ZBTB7C: variants seen among roughly 807,000 people sequenced by gnomAD.
ZBTB7C encodes zinc finger and BTB domain containing 7C.
In ZBTB7C, 8 loss-of-function variants were observed where a neutral mutation model predicts 25.7. The ratio of observed to expected loss-of-function variants is 0.31; its 90% CI spans 0.18 to 0.56. The LOEUF (loss-of-function observed/expected upper bound fraction) is 0.56. Among genes scored for constraint, ZBTB7C ranks in the 20% least tolerant of loss-of-function variants. The pLI is 0.91. For synonymous variants in ZBTB7C, 394 were observed against 369.0 expected (o/e 1.07, Z -0.78); for missense variants, 824 against 855.2 (o/e 0.96, Z 0.46).
At chr18:48,271,268 G>A (rs535588450) in intron 2 of ZBTB7C, among the ~76,000 whole-genome samples, 6 of 152,078 alleles carry the variant, frequency 3.9e-5, no homozygotes, top group Middle Eastern at 3.4e-3. Context: ...CCTTAATAAC[G>A]TCACACAGAG....
chr18:48,046,859 G>A (rs2036490457), intron 3 of ZBTB7C, among the ~76,000 whole-genome samples: 1 of 152,184 alleles, frequency 6.6e-6, no homozygotes, highest in South Asian at 2.1e-4. Flanking sequence ...CGAGAAATCT[G>A]ATAACATCAT....
chr18:48,207,861 T>TGGTTACAAGTCA (rs1568303119), intron 2 of ZBTB7C, among the ~76,000 whole-genome samples: 1 of 152,094 alleles, frequency 6.6e-6, no homozygotes, highest in Non-Finnish European at 1.5e-5. Context: ...GTCAGGATAG[T>TGGTTACAAGTCA]GGTTACCTTT....
chr18:48,108,783 C>A (rs4940257), intron 3 of ZBTB7C, among the ~76,000 whole-genome samples: 82,340 of 151,684 alleles, frequency 0.54, 23,722 homozygotes, highest in African/African-American at 0.75. Flanking sequence ...CTGTGTGGGA[C>A]GGGCCTTCTG....
intron 1 of ZBTB7C, among the ~76,000 whole-genome samples, chr18:48,349,099 A>G (rs1222795256): frequency 1.3e-5 from 2 of 152,196 alleles, no homozygotes; most frequent in Non-Finnish European, 2.9e-5. Context: ...ATGCAGCCCT[A>G]GGCATGGTGC....
At chr18:48,395,898 A>G (rs537490795) in intron 1 of ZBTB7C, among the ~76,000 whole-genome samples, 1 of 152,300 alleles carries the variant, frequency 6.6e-6, no homozygotes, top group African/African-American at 2.4e-5. Context: ...AAAGAAAAGA[A>G]AAAAGCTTTT....
chr18:48,298,655 C>G (rs1341848804), intron 2 of ZBTB7C, among the ~76,000 whole-genome samples: 1 of 152,210 alleles, frequency 6.6e-6, no homozygotes, highest in African/African-American at 2.4e-5. Flanking sequence ...GCAACTGAGA[C>G]AGGAGCCCAG....
At chr18:48,131,106 A>G (rs1239184072) in intron 3 of ZBTB7C, among the ~76,000 whole-genome samples, 1 of 152,118 alleles carries the variant, frequency 6.6e-6, no homozygotes, top group Non-Finnish European at 1.5e-5. Flanking sequence ...GTTTCACCAT[A>G]TTGGTCAGGC....
intron 2 of ZBTB7C, among the ~76,000 whole-genome samples, chr18:48,256,885 GGA>G (rs2044036640): frequency 6.6e-6 from 1 of 151,814 alleles, no homozygotes; most frequent in African/African-American, 2.4e-5. Flanking sequence ...AGTTAACAAA[GGA>G]GATAAAAGGG....
chr18:48,163,503 G>A (rs2041141187), intron 3 of ZBTB7C, among the ~76,000 whole-genome samples: 1 of 152,180 alleles, frequency 6.6e-6, no homozygotes, highest in Non-Finnish European at 1.5e-5. Context: ...GAAATGGAGT[G>A]GGGCTTAACA....
chr18:48,316,169 A>T (rs989380172), intron 2 of ZBTB7C, among the ~76,000 whole-genome samples: 1 of 152,216 alleles, frequency 6.6e-6, no homozygotes, highest in African/African-American at 2.4e-5. Flanking sequence ...GACAAAATAG[A>T]ATTGGAATTT....
chr18:48,399,597 A>G (rs1387461582), intron 1 of ZBTB7C, among the ~76,000 whole-genome samples: 1 of 152,134 alleles, frequency 6.6e-6, no homozygotes, highest in African/African-American at 2.4e-5. Context: ...GGGACCTGAG[A>G]GCAGGACAGC....
At chr18:48,067,715 C>T (rs1027257832) in intron 3 of ZBTB7C, among the ~76,000 whole-genome samples, 8 of 152,164 alleles carry the variant, frequency 5.3e-5, no homozygotes, top group Non-Finnish European at 8.8e-5. Flanking sequence ...ATAAATCTCT[C>T]TCTCAGTTGG....
At chr18:48,041,374 C>A in intron 3 of ZBTB7C, 3 of 985,446 alleles carry the variant, frequency 3.0e-6, no homozygotes. Context: ...CAGCTACTCA[C>A]CAAAGGCTGC....
At chr18:48,051,944 GTTTTC>G (rs1376605193) in intron 3 of ZBTB7C, among the ~76,000 whole-genome samples, 1 of 152,128 alleles carries the variant, frequency 6.6e-6, no homozygotes, top group Non-Finnish European at 1.5e-5. Flanking sequence ...GGGGAGACTT[GTTTTC>G]TTTTAAGAAA....
intron 2 of ZBTB7C, among the ~76,000 whole-genome samples, chr18:48,254,654 C>T (rs2043972679): frequency 6.6e-6 from 1 of 152,170 alleles, no homozygotes; most frequent in Non-Finnish European, 1.5e-5. Flanking sequence ...GTATTTACCC[C>T]AGACAACAAT....
intron 1 of ZBTB7C, among the ~76,000 whole-genome samples, chr18:48,383,869 G>GAGGCTGGAAGGGAGCTCTGGAAGCC (rs2047687614): frequency 2.0e-5 from 3 of 151,548 alleles, no homozygotes; most frequent in Admixed American, 6.6e-5. Context: ...GTGCCTAAGT[G>GAGGCTGGAAGGGAGCTCTGGAAGCC]AGGCTGGAAG....
chr18:48,029,457 G>C lies in ZBTB7C; in HGVS notation c.1663C>G (p.Gln555Glu). The C allele has an allele frequency of 6.3e-7, 1 of 1,598,108 alleles. No individual in the cohort carries two copies. The highest frequency in any genetic ancestry group is 8.5e-7 in the Non-Finnish European group (1 of 1,175,428). Residue 555 changes from glutamine to glutamate, a missense_variant, in exon 5 of 5, where the codon CAG becomes GAG. Around this residue, in one of 4 missense-constraint regions of ZBTB7C, gnomAD observed 342 missense variants for 307.0 expected, o/e 1.11. Transcript: ENST00000590800. ...QELERQFEET[Q>E]MKLFGRAQLE... ...TGCGCGCGCCCGAACAGCTTCATCTGTGTCTCCTCGAACTGCCGCTCCAGC... is the reference window on the plus strand; with the variant it reads ...TGCGCGCGCCCGAACAGCTTCATCTCTGTCTCCTCGAACTGCCGCTCCAGC...
intron 1 of ZBTB7C, among the ~76,000 whole-genome samples, chr18:48,389,858 A>C (rs11661531): frequency 0.21 from 32,276 of 152,220 alleles, 4,719 homozygotes; most frequent in East Asian, 0.71. Flanking sequence ...TTTTTGAATG[A>C]ATTAATGAAC....
intron 3 of ZBTB7C, chr18:48,083,967 G>C: frequency 1.1e-6 from 1 of 876,538 alleles, no homozygotes; most frequent in Non-Finnish European, 1.4e-6. Flanking sequence ...CGACTCTCCA[G>C]GGTCGTCGCA....
Sources: gnomAD v4.1 joint callset for allele counts (sites outside exome capture counted in the v4.1 genomes callset) on GRCh38, gnomAD v4.1.1 for gene constraint, gnomAD v4.1.1 regional missense constraint, MANE v1.5 for transcripts, NCBI Gene and HGNC (gene_info 2026-07-23, HGNC 2026-07-21) for gene names.